PLTP: variants seen among roughly 807,000 people sequenced by gnomAD.
The protein encoded by PLTP is phospholipid transfer protein.
In PLTP, 43 loss-of-function variants were observed where a neutral mutation model predicts 54.1. The observed-to-expected ratio is 0.79, with a 90% confidence interval of 0.62 to 1.02. The LOEUF (loss-of-function observed/expected upper bound fraction) is 1.02, where lower values mean the gene tolerates loss of function less well. Ranked by LOEUF, PLTP falls within the 50% of genes least tolerant of loss-of-function variation. The pLI, the probability that PLTP is intolerant of heterozygous loss-of-function variation, is 0.00. For synonymous variants in PLTP, 263 were observed against 264.6 expected (o/e 0.99, Z 0.06); for missense variants, 604 against 645.9 (o/e 0.94, Z 0.70).
chr20:45,899,813 C>CCCCCCCCCCCCCCCCCCCCACCCCA, intron 13 of PLTP, 23 bp downstream of exon 13: 1 of 1,203,168 alleles, frequency 8.3e-7, no homozygotes, highest in Non-Finnish European at 1.2e-6. Flanking sequence ...CCCAGCCCAG[C>CCCCCCCCCCCCCCCCCCCCACCCCA]CCACCCACCC....
chr20:45,898,748 A>G lies in PLTP; in HGVS notation c.*193T>C. Reference sequence around the variant, plus strand: ...CCAGGAACCCAACAGAGCTCAGGACAGCCCACAGGGAGGTGGTGGACGGAC... The same window carrying G: ...CCAGGAACCCAACAGAGCTCAGGACGGCCCACAGGGAGGTGGTGGACGGAC... On this transcript the variant is annotated 3_prime_UTR_variant, in exon 16 of 16. Transcript: ENST00000372431. This position sits in a 1 kb window ranked among gnomAD's most constrained non-coding sequence, Gnocchi z 4.6. The G allele has an allele frequency of 1.4e-6, 1 of 714,792 alleles. No individual in the cohort carries two copies. Among genetic ancestry groups the G allele is most frequent in the Non-Finnish European group, 2.3e-6 (1 of 433,864 alleles). 44.3% of individuals were successfully genotyped at this position (714,792 alleles called of 1,614,324 possible). A position where few individuals can be genotyped will look rare whatever the true frequency, so the allele number is the denominator to read the frequency against.
Position 45,907,734 on chromosome 20 carries a change from C to G in PLTP, c.571G>C (p.Ala191Pro). 6.2e-7 allele frequency: 1 copy of G among 1,613,776 alleles called. No homozygotes were observed. The highest frequency in any genetic ancestry group is 8.5e-7 in the Non-Finnish European group (1 of 1,179,948). Reference protein sequence around the residue: ...NQQICPVLYHAGTVLLNSLLD... With the variant: ...NQQICPVLYHPGTVLLNSLLD... ...AGGGAGTTGAGCAGGACCGTCCCTG[C>G]GTGGTAGAGGACAGGGCAGATCTGC... Residue 191 changes from alanine (A) to proline (P), a missense_variant, in exon 7 of 16, where the codon GCA (alanine) becomes CCA (proline). Ala to Pro is a conservative substitution (Grantham distance 27). Transcript: ENST00000372431.
In PLTP at chr20:45,909,574, T is replaced by C. The variant is rs1391874142; in HGVS notation, c.427A>G (p.Asn143Asp). The stretch of plus-strand genomic sequence containing the variant: ...GAGACAGAGGCCTGGCAGGAGACAT[T>C]GGACACTTTCATCCGTCCAGCGGGA... ...RDPAGRMKVS[N>D]VSCQASVSRM... Residue 143 changes from asparagine to aspartate, a missense_variant, in exon 5 of 16, where the codon AAT becomes GAT. Physicochemically the swap from Asn to Asp is conservative, Grantham distance 23. Coordinates refer to ENST00000372431, the MANE Select transcript of PLTP (RefSeq NM_006227.4). 3 of 1,614,174 alleles carry C rather than the reference T, an allele frequency of 1.9e-6. No homozygotes were observed. The highest frequency in any genetic ancestry group is 3.3e-5 in the Admixed American group (2 of 60,014).
chr20:45,911,062 C>G, intron 3 of PLTP, 90 bp downstream of exon 3: 1 of 1,611,174 alleles, frequency 6.2e-7, no homozygotes, highest in Non-Finnish European at 8.5e-7. Context: ...CCCACTCAGC[C>G]TCCAGTCTCC....
At position 45,898,779 on chromosome 20, in the gene PLTP, T is replaced by C. The variant is rs536227967; in HGVS notation, c.*162A>G. The C allele has an allele frequency of 9.7e-5, 82 of 847,344 alleles. No homozygotes were observed. In the African/African-American group the frequency reaches 1.3e-3, roughly 13 times the overall value. The allele number at this position is 847,344 out of a possible 1,614,324, so 52.5% of individuals were successfully genotyped here. On this transcript the variant is annotated 3_prime_UTR_variant, in exon 16 of 16. Transcript: ENST00000372431. The surrounding 1 kb of genome is among the most constrained non-coding windows in gnomAD (Gnocchi z 4.6). Reference sequence around the variant, plus strand: ...CAGGGAGGTGGTGGACGGACTGTAATTGATAGATTGATTATGGAATTAAAT... The same window carrying C: ...CAGGGAGGTGGTGGACGGACTGTAACTGATAGATTGATTATGGAATTAAAT...
Position 45,911,178 on chromosome 20 carries a change from T to G in PLTP, c.174A>C (p.Glu58Asp), listed in dbSNP as rs781195851. ...CAGAGATGTTGTAGTAGAAGTGGCCTTCTTTGCCCCGCAGGTCCGGAATGG... is the reference window on the plus strand; with the variant it reads ...CAGAGATGTTGTAGTAGAAGTGGCCGTCTTTGCCCCGCAGGTCCGGAATGG... The part of the protein sequence containing the change: ...TITIPDLRGK[E>D]GHFYYNISEV... Residue 58 changes from glutamate (E) to aspartate (D), a missense_variant, in exon 3 of 16, where the codon GAA (glutamate) becomes GAC (aspartate). Physicochemically the swap from Glu to Asp is conservative, Grantham distance 45. Transcript: ENST00000372431. 2 of 1,614,026 alleles carry G rather than the reference T, an allele frequency of 1.2e-6. No homozygotes were observed. The highest frequency in any genetic ancestry group is 2.2e-5 in the South Asian group (2 of 91,086).
intron 12 of PLTP, 47 bp from the exon 13 acceptor site, chr20:45,899,925 C>T (rs1424706552): frequency 5.2e-6 from 8 of 1,527,446 alleles, no homozygotes; most frequent in Non-Finnish European, 6.2e-6. Flanking sequence ...TGGAAGCTCC[C>T]CTTCCTCAGG....
At chr20:45,900,325 C>T (rs753351671) in intron 12 of PLTP, among the ~76,000 whole-genome samples, 1 of 151,554 alleles carries the variant, frequency 6.6e-6, no homozygotes, top group African/African-American at 2.4e-5. Flanking sequence ...AGGATGGTCT[C>T]GGATTTCCTG....
At chr20:45,908,801 C>CA (rs541422674) in intron 5 of PLTP, among the ~76,000 whole-genome samples, 15 of 147,226 alleles carry the variant, frequency 1.0e-4, no homozygotes, top group East Asian at 2.0e-4. Flanking sequence ...GACTCCCTCT[C>CA]AAAAAAAAAA....
Position 45,898,975 on chromosome 20 carries a change from G to C in PLTP, c.1448C>G (p.Ser483Cys). 8 of 1,614,136 alleles carry C rather than the reference G, an allele frequency of 5.0e-6. No individual in the cohort carries two copies. The highest frequency in any genetic ancestry group is 6.8e-6 in the Non-Finnish European group (8 of 1,180,012). ...TGCTGTGGACGGTGTGGGGGCAGTG[G>C]ACGCCCTGACATCAGCAGGCCGGTT... is the stretch of plus-strand genomic sequence containing the variant. ...EKNRPADVRA[S>C]TAPTPSTAAV is the part of the protein sequence containing the mutation. The change falls in exon 16 of 16, where the codon TCC becomes TGC. Residue 483 changes from serine to cysteine, a missense_variant. Physicochemically the swap from Ser to Cys is moderately radical, Grantham distance 112. Transcript: ENST00000372431. This position sits in a 1 kb window ranked among gnomAD's most constrained non-coding sequence, Gnocchi z 4.6.
At position 45,910,010 on chromosome 20, in the gene PLTP, C is replaced by A; in HGVS notation, c.261G>T (p.Glu87Asp). The stretch of plus-strand genomic sequence containing the variant: ...AGGCATTGGTGATTTGAAGCATCAG[C>A]TCCTGCTGTGGCTGGAAATCGAGCT... ...SSELDFQPQQ[E>D]LMLQITNASL... is the part of the protein sequence containing the mutation. The change falls in exon 4 of 16, where the codon GAG becomes GAT. Residue 87 changes from glutamate to aspartate, a missense_variant. By Grantham distance (45) the Glu-to-Asp change is conservative. Transcript: ENST00000372431. 1 of 1,614,156 alleles carries A rather than the reference C, an allele frequency of 6.2e-7. No homozygotes were observed.
chr20:45,900,289 A>G (rs1449642925), intron 12 of PLTP, among the ~76,000 whole-genome samples: 1 of 150,928 alleles, frequency 6.6e-6, no homozygotes, highest in African/African-American at 2.4e-5. Flanking sequence ...TGTTTTTAGT[A>G]GAGACGGGGT....
At chr20:45,906,466 G>A in intron 7 of PLTP, 107 bp from the exon 8 acceptor site, 1 of 838,874 alleles carries the variant, frequency 1.2e-6, no homozygotes, top group African/African-American at 1.7e-5. Flanking sequence ...ATCCTTCACA[G>A]GGTTGTCATG....
At position 45,898,641 on chromosome 20, in the gene PLTP, T is replaced by C; in HGVS notation, c.*300A>G. On this transcript the variant is annotated 3_prime_UTR_variant, in exon 16 of 16. Transcript: ENST00000372431. The surrounding 1 kb of genome is among the most constrained non-coding windows in gnomAD (Gnocchi z 4.6). ...ACAGCCTGGGGGCAAGTTAGCACTT[T>C]ATTCCCGCAGCAGTTCCTGAATGGG... is the stretch of plus-strand genomic sequence containing the variant. 2 of 705,514 alleles carry C rather than the reference T, an allele frequency of 2.8e-6. No homozygotes were observed. The highest frequency in any genetic ancestry group is 5.4e-5 in the East Asian group (2 of 37,042). The allele number at this position is 705,514 out of a possible 1,614,324, so 43.7% of individuals were successfully genotyped here.
At position 45,899,829 on chromosome 20, in the gene PLTP, C is replaced by CCA; in HGVS notation, c.1218+6_1218+7insTG. ...CCAGCCCAGCCCACCCACCCTTCCCCACTCACAGCCAGCGACTCCAGTGCA... is the reference window on the plus strand; with the variant it reads ...CCAGCCCAGCCCACCCACCCTTCCCCCAACTCACAGCCAGCGACTCCAGTGCA... On this transcript the variant is annotated splice_region_variant and intron_variant, in intron 13 of 15. Coordinates refer to ENST00000372431, the MANE Select transcript of PLTP (RefSeq NM_006227.4). The CCA allele has an allele frequency of 6.5e-7, 1 of 1,539,380 alleles. No individual in the cohort carries two copies. The highest frequency in any genetic ancestry group is 8.8e-7 in the Non-Finnish European group (1 of 1,137,082).
chr20:45,907,714 G>A lies in PLTP; in HGVS notation c.591C>T (p.Asn197=), dbSNP rs1436926911. 1.2e-6 allele frequency: 2 copies of A among 1,613,934 alleles called. No individual in the cohort carries two copies. Among genetic ancestry groups the A allele is most frequent in the South Asian group, 1.1e-5 (1 of 90,960 alleles). The change falls in exon 7 of 16, where the codon AAC becomes AAT. Residue 197 remains asparagine, a synonymous_variant. Coordinates refer to ENST00000372431, the MANE Select transcript of PLTP (RefSeq NM_006227.4). ...CACCAGGCACGGTGTCCAGGAGGGA[G>A]TTGAGCAGGACCGTCCCTGCGTGGT... ...VLYHAGTVLL[N]SLLDTVPVRS... is the part of the protein sequence containing the mutation.
At chr20:45,903,645 T>A (rs2083208504) in intron 10 of PLTP, among the ~76,000 whole-genome samples, 1 of 152,224 alleles carries the variant, frequency 6.6e-6, no homozygotes, top group Non-Finnish European at 1.5e-5. Flanking sequence ...ATGTGTTGGT[T>A]CCTTTAAACC....
intron 3 of PLTP, chr20:45,910,780 C>G: frequency 8.9e-7 from 1 of 1,124,948 alleles, no homozygotes; most frequent in African/African-American, 1.6e-5. Context: ...CTAAACCATA[C>G]TTAGAGCCTT....
At chr20:45,903,418 CG>C (rs879474130) in intron 10 of PLTP, among the ~76,000 whole-genome samples, 18 of 152,242 alleles carry the variant, frequency 1.2e-4, no homozygotes, top group Admixed American at 5.9e-4. Context: ...TTCGTAGAGA[CG>C]GGGTTTGGCC....
Sources: allele counts gnomAD v4.1 joint callset (sites outside exome capture counted in the v4.1 genomes callset), GRCh38; gene constraint gnomAD v4.1.1; non-coding constraint Gnocchi (gnomAD v3.1); transcripts MANE v1.5; gene names NCBI Gene and HGNC (gene_info 2026-07-23, HGNC 2026-07-21).